The following ZNF148 variants were observed in gnomAD, a reference collection of about 807,000 sequenced individuals.
ZNF148 encodes the protein zinc finger protein 148.
A neutral mutation model predicts 67.7 loss-of-function variants in ZNF148; 7 were observed. The ratio of observed to expected loss-of-function variants is 0.10; its 90% CI spans 0.06 to 0.19. ZNF148 has a LOEUF of 0.19. ZNF148 is among the 10% of genes least tolerant of loss of function. The pLI is 1.00. For synonymous variants in ZNF148, 333 were observed against 330.7 expected (o/e 1.01, Z -0.08); for missense variants, 583 against 947.1 (o/e 0.62, Z 5.05).
intron 1 of ZNF148, among the ~76,000 whole-genome samples, chr3:125,331,490 G>A (rs531628616): frequency 1.3e-5 from 2 of 152,238 alleles, no homozygotes; most frequent in South Asian, 2.1e-4. Context: ...TTAACTTCCA[G>A]TGAAGGATTA....
At chr3:125,371,574 G>C (rs982639771) in intron 1 of ZNF148, among the ~76,000 whole-genome samples, 1 of 149,532 alleles carries the variant, frequency 6.7e-6, no homozygotes, top group African/African-American at 2.5e-5. Context: ...CAGGAGAATT[G>C]CTTGAACCCA....
chr3:125,316,661 A>T (rs1012484519), intron 3 of ZNF148, among the ~76,000 whole-genome samples: 7 of 152,088 alleles, frequency 4.6e-5, no homozygotes, highest in Admixed American at 3.3e-4. Context: ...AGAAATGTCT[A>T]TTGAAATCTT....
intron 1 of ZNF148, among the ~76,000 whole-genome samples, chr3:125,346,338 A>G (rs1241763309): frequency 6.6e-6 from 1 of 151,090 alleles, no homozygotes; most frequent in Non-Finnish European, 1.5e-5. Context: ...AAGGCCATCT[A>G]TGAAAAATCA....
chr3:125,240,918 A>C (rs192383142), intron 7 of ZNF148, among the ~76,000 whole-genome samples: 1 of 152,324 alleles, frequency 6.6e-6, no homozygotes, highest in East Asian at 1.9e-4. Flanking sequence ...GTCAAAAATG[A>C]ATGCAAACAT....
At chr3:125,269,037 AACAG>A (rs1937605770) in intron 7 of ZNF148, among the ~76,000 whole-genome samples, 1 of 152,048 alleles carries the variant, frequency 6.6e-6, no homozygotes, top group Non-Finnish European at 1.5e-5. Context: ...AGGACATGAG[AACAG>A]ACACTTCTCA....
chr3:125,361,569 C>T (rs990782799), intron 1 of ZNF148, among the ~76,000 whole-genome samples: 3 of 152,116 alleles, frequency 2.0e-5, no homozygotes, highest in African/African-American at 7.2e-5. Context: ...TGGTGGCTCA[C>T]GTCTGTAATC....
chr3:125,374,636 C>T (rs371035954), intron 1 of ZNF148, among the ~76,000 whole-genome samples: 3 of 152,094 alleles, frequency 2.0e-5, no homozygotes, highest in East Asian at 3.9e-4. Context: ...TTTTCTCCAA[C>T]CCCTGCCCTT....
chr3:125,248,171 G>A (rs1302728124), intron 7 of ZNF148, among the ~76,000 whole-genome samples: 2 of 152,194 alleles, frequency 1.3e-5, no homozygotes, highest in Non-Finnish European at 2.9e-5. Context: ...GGCTGGATAT[G>A]TAGGCACCAG....
At chr3:125,356,852 G>A (rs559167465) in intron 1 of ZNF148, 23 of 152,114 alleles carry the variant, frequency 1.5e-4, no homozygotes, top group Admixed American at 6.6e-5. Context: ...CCCAATTCTG[G>A]AAAGGCCTTA....
intron 4 of ZNF148, 29 bp from the exon 5 acceptor site, chr3:125,288,257 G>A (rs750912924): frequency 2.5e-6 from 4 of 1,583,998 alleles, no homozygotes; most frequent in Non-Finnish European, 3.4e-6. Flanking sequence ...GCCAATTTTA[G>A]ACATAAATAA....
chr3:125,265,173 T>C (rs1579654842), intron 7 of ZNF148, among the ~76,000 whole-genome samples: 1 of 152,380 alleles, frequency 6.6e-6, no homozygotes, highest in East Asian at 1.9e-4. Context: ...CTTTTACTTT[T>C]TAATATCAGA....
Position 125,232,265 on chromosome 3 carries a change from C to T in ZNF148, c.*76G>A. 1 of 1,473,364 alleles carries T rather than the reference C, an allele frequency of 6.8e-7. No individual in the cohort carries two copies. Among genetic ancestry groups the T allele is most frequent in the South Asian group, 1.4e-5 (1 of 73,344 alleles). 91.3% of individuals were successfully genotyped at this position (1,473,364 alleles called of 1,614,324 possible). ...ATTGCTCTTAAATCTGTACAGCACT[C>T]CATTTACACAGAGTAACCCCACTCT... On this transcript the variant is annotated 3_prime_UTR_variant, in exon 9 of 9. Coordinates refer to ENST00000360647, the MANE Select transcript of ZNF148 (RefSeq NM_021964.3). This position sits in a 1 kb window ranked among gnomAD's most constrained non-coding sequence, Gnocchi z 4.2.
At chr3:125,251,652 T>G (rs1936846586) in intron 7 of ZNF148, among the ~76,000 whole-genome samples, 1 of 152,238 alleles carries the variant, frequency 6.6e-6, no homozygotes, top group African/African-American at 2.4e-5. Flanking sequence ...CCCACAATGA[T>G]GGGTCCAATA....
chr3:125,316,440 T>C (rs930553413), intron 3 of ZNF148, among the ~76,000 whole-genome samples: 2 of 152,204 alleles, frequency 1.3e-5, no homozygotes, highest in African/African-American at 4.8e-5. Flanking sequence ...CCACAGTGGT[T>C]GTACTAATTT....
intron 1 of ZNF148, among the ~76,000 whole-genome samples, chr3:125,370,487 T>C (rs960904556): frequency 4.6e-5 from 7 of 152,252 alleles, no homozygotes; most frequent in Non-Finnish European, 7.3e-5. Flanking sequence ...AGGAAGTCTC[T>C]GCTCTAGAAC....
intron 1 of ZNF148, among the ~76,000 whole-genome samples, chr3:125,358,486 G>C (rs1942438876): frequency 6.6e-6 from 1 of 152,040 alleles, no homozygotes; most frequent in African/African-American, 2.4e-5. Context: ...TTTCCTCAAA[G>C]CTAACACTCT....
intron 5 of ZNF148, 139 bp from the exon 6 acceptor site, chr3:125,279,386 G>C: frequency 1.4e-6 from 1 of 727,616 alleles, no homozygotes. Context: ...ATCTTGAAAA[G>C]ACTATTAGAA....
intron 1 of ZNF148, among the ~76,000 whole-genome samples, chr3:125,347,101 G>A (rs1941972313): frequency 6.6e-6 from 1 of 151,694 alleles, no homozygotes; most frequent in Non-Finnish European, 1.5e-5. Flanking sequence ...TATAATAGCA[G>A]GAAAAAAATA....
chr3:125,350,683 C>T (rs1448299873), intron 1 of ZNF148, among the ~76,000 whole-genome samples: 3 of 152,158 alleles, frequency 2.0e-5, no homozygotes, highest in Non-Finnish European at 2.9e-5. Flanking sequence ...CTTCACGCTC[C>T]TAAGAGAATG....
Sources: gnomAD v4.1 joint callset for allele counts (sites outside exome capture counted in the v4.1 genomes callset) on GRCh38, gnomAD v4.1.1 for gene constraint, Gnocchi (gnomAD v3.1) non-coding constraint, MANE v1.5 for transcripts, NCBI Gene and HGNC (gene_info 2026-07-23, HGNC 2026-07-21) for gene names.